The following RPS6KC1 variants were observed in gnomAD, a reference collection of about 807,000 sequenced individuals.
RPS6KC1 encodes inactive ribosomal protein S6 kinase delta-1.
In RPS6KC1, 54 loss-of-function variants were observed where a neutral mutation model predicts 103.8. The ratio of observed to expected loss-of-function variants is 0.52; its 90% CI spans 0.42 to 0.65. The LOEUF is 0.65. Ranked by LOEUF, RPS6KC1 falls within the 30% of genes least tolerant of loss-of-function variation. The pLI is 0.00. For synonymous variants in RPS6KC1, 439 were observed against 438.7 expected (o/e 1.00, Z -0.01); for missense variants, 1,151 against 1,253.8 (o/e 0.92, Z 1.24).
intron 3 of RPS6KC1, among the ~76,000 whole-genome samples, chr1:213,092,635 G>T (rs1287315810): frequency 6.7e-6 from 1 of 149,630 alleles, no homozygotes; most frequent in Non-Finnish European, 1.5e-5. Flanking sequence ...TCGTGCCACT[G>T]CACTCCAGCC....
downstream of RPS6KC1, among the ~76,000 whole-genome samples, chr1:213,278,074 A>G (rs2095115554): frequency 6.6e-6 from 1 of 152,030 alleles, no homozygotes; most frequent in African/African-American, 2.4e-5. Flanking sequence ...GCACGGTGGC[A>G]CGAACCTATA....
At chr1:213,120,962 A>G (rs2084312756) in intron 5 of RPS6KC1, among the ~76,000 whole-genome samples, 1 of 152,100 alleles carries the variant, frequency 6.6e-6, no homozygotes, top group South Asian at 2.1e-4. Flanking sequence ...GTGTCTGTTT[A>G]TTTGTTTTGT....
At chr1:213,146,423 ATTTT>A (rs1269987456) in intron 6 of RPS6KC1, among the ~76,000 whole-genome samples, 2 of 138,928 alleles carry the variant, frequency 1.4e-5, no homozygotes, top group Non-Finnish European at 3.2e-5. Context: ...TGGGATTGCA[ATTTT>A]TTTTTTTTTT....
the RPS6KC1 span, among the ~76,000 whole-genome samples, chr1:213,657,509 G>T: frequency 1.3e-5 from 2 of 152,108 alleles, no homozygotes. Context: ...ACAAATGTTA[G>T]AAGCAGACAT....
chr1:213,654,430 G>A, the RPS6KC1 span, among the ~76,000 whole-genome samples: 1 of 152,168 alleles, frequency 6.6e-6, no homozygotes, highest in African/African-American at 2.4e-5. Flanking sequence ...GGTTAAGGAG[G>A]CGACTTTGAA....
At chr1:213,053,631 A>C (rs2077112871) in intron 1 of RPS6KC1, among the ~76,000 whole-genome samples, 1 of 152,238 alleles carries the variant, frequency 6.6e-6, no homozygotes, top group Non-Finnish European at 1.5e-5. Flanking sequence ...CTTCTGGATC[A>C]AGAGATTGGG....
chr1:213,766,938 C>T, the RPS6KC1 span, among the ~76,000 whole-genome samples: 1 of 152,100 alleles, frequency 6.6e-6, no homozygotes, highest in African/African-American at 2.4e-5. Flanking sequence ...AACCAGAACC[C>T]CGGTTTTTAT....
chr1:213,460,076 A>G, the RPS6KC1 span, among the ~76,000 whole-genome samples: 7 of 152,230 alleles, frequency 4.6e-5, no homozygotes, highest in Non-Finnish European at 7.4e-5. Context: ...TGGGGTGGAG[A>G]GTTCTGTAGA....
chr1:213,113,555 T>C (rs1283385154), intron 4 of RPS6KC1, among the ~76,000 whole-genome samples: 1 of 151,268 alleles, frequency 6.6e-6, no homozygotes, highest in African/African-American at 2.4e-5. Context: ...CAGAAGCTCT[T>C]TAGTTTAATT....
At chr1:213,645,956 C>A in the RPS6KC1 span, among the ~76,000 whole-genome samples, 1 of 152,192 alleles carries the variant, frequency 6.6e-6, no homozygotes, top group Non-Finnish European at 1.5e-5. Context: ...ACAACCTGGT[C>A]ATTCTTTGGA....
the RPS6KC1 span, among the ~76,000 whole-genome samples, chr1:213,490,775 T>C: frequency 6.6e-6 from 1 of 152,186 alleles, no homozygotes; most frequent in Non-Finnish European, 1.5e-5. Context: ...AAAGAGGATC[T>C]GAAAAGGTGG....
At chr1:213,746,573 G>C in the RPS6KC1 span, among the ~76,000 whole-genome samples, 1 of 152,200 alleles carries the variant, frequency 6.6e-6, no homozygotes. Context: ...AGCCACTAGA[G>C]AATTTTAAGC....
the RPS6KC1 span, among the ~76,000 whole-genome samples, chr1:213,342,264 C>T: frequency 1.3e-5 from 2 of 152,348 alleles, no homozygotes; most frequent in Middle Eastern, 6.8e-3. Flanking sequence ...GTCTGACTGA[C>T]ACTGTCCCCT....
At chr1:213,780,206 A>G in the RPS6KC1 span, among the ~76,000 whole-genome samples, 3,606 of 152,322 alleles carry the variant, frequency 0.024, 101 homozygotes, top group East Asian at 0.081. Flanking sequence ...GAAGGTGTAT[A>G]GATTTATCTC....
the RPS6KC1 span, among the ~76,000 whole-genome samples, chr1:213,407,131 G>T: frequency 6.6e-6 from 1 of 152,080 alleles, no homozygotes; most frequent in Admixed American, 6.5e-5. Flanking sequence ...AGTGCCAGTG[G>T]TTGAATTCCA....
At chr1:213,678,156 A>C in the RPS6KC1 span, among the ~76,000 whole-genome samples, 1 of 152,188 alleles carries the variant, frequency 6.6e-6, no homozygotes, top group Non-Finnish European at 1.5e-5. Context: ...GGTGTTATTA[A>C]TTTGGTGTTA....
chr1:213,363,692 T>C, the RPS6KC1 span, among the ~76,000 whole-genome samples: 2 of 88,654 alleles, frequency 2.3e-5, no homozygotes, highest in Non-Finnish European at 4.6e-5. Flanking sequence ...CTTTCTTTCT[T>C]TCTTTCTTTC....
chr1:213,366,051 G>T, the RPS6KC1 span, among the ~76,000 whole-genome samples: 1 of 152,214 alleles, frequency 6.6e-6, no homozygotes, highest in Admixed American at 6.5e-5. Flanking sequence ...ACCTGGAGAA[G>T]GCTGGATGAG....
chr1:213,126,111 T>G (rs565136844), intron 5 of RPS6KC1, among the ~76,000 whole-genome samples: 1 of 152,086 alleles, frequency 6.6e-6, no homozygotes, highest in South Asian at 2.1e-4. Context: ...CCTTATCTAT[T>G]TGTTTATCAG....
Sources: gnomAD v4.1 joint callset for allele counts (sites outside exome capture counted in the v4.1 genomes callset) on GRCh38, gnomAD v4.1.1 for gene constraint, MANE v1.5 for transcripts, NCBI Gene and HGNC (gene_info 2026-07-23, HGNC 2026-07-21) for gene names.